GPHN: variants seen among roughly 807,000 people sequenced by gnomAD.
GPHN encodes gephyrin.
GPHN carries 17 observed loss-of-function variants against 95.5 expected under a neutral mutation model. The ratio of observed to expected loss-of-function variants is 0.18; its 90% CI spans 0.12 to 0.27. The LOEUF (loss-of-function observed/expected upper bound fraction) is 0.27. GPHN is among the 10% of genes least tolerant of loss of function. GPHN has a pLI of 1.00. For missense variants in GPHN, 660 were observed against 978.1 expected (o/e 0.67, Z 4.34); for synonymous variants, 320 against 322.5 (o/e 0.99, Z 0.08).
chr14:67,729,424 G>A, the GPHN span: 1 of 1,567,194 alleles, frequency 6.4e-7, no homozygotes, highest in Non-Finnish European at 8.7e-7. Flanking sequence ...TGTGTGCATG[G>A]GAGGTGCCGG....
intron 5 of GPHN, among the ~76,000 whole-genome samples, chr14:66,884,835 TATAAA>T (rs1390634345): frequency 1.3e-5 from 2 of 149,386 alleles, no homozygotes; most frequent in East Asian, 3.9e-4. Context: ...TATATATATA[TATAAA>T]ATAAGAAATA....
the GPHN span, chr14:67,473,660 C>T: frequency 6.3e-7 from 1 of 1,580,304 alleles, no homozygotes; most frequent in Admixed American, 1.9e-5. The surrounding 1 kb of genome is among the most constrained non-coding windows in gnomAD (Gnocchi z 6.5). Flanking sequence ...CGGTGGTGAA[C>T]TCCCACAGGT....
At chr14:67,163,187 T>G (rs2082066210) in intron 19 of GPHN, among the ~76,000 whole-genome samples, 1 of 151,878 alleles carries the variant, frequency 6.6e-6, no homozygotes, top group Non-Finnish European at 1.5e-5. Context: ...ATGCCTGTAG[T>G]CCTACCTACC....
chr14:66,888,592 A>G (rs2064317767), intron 5 of GPHN, among the ~76,000 whole-genome samples: 1 of 152,162 alleles, frequency 6.6e-6, no homozygotes, highest in Non-Finnish European at 1.5e-5. Context: ...CAGGATGTAC[A>G]TTAAAAAAAT....
At chr14:67,362,519 A>C in the GPHN span, among the ~76,000 whole-genome samples, 1 of 152,198 alleles carries the variant, frequency 6.6e-6, no homozygotes, top group Non-Finnish European at 1.5e-5. Context: ...TGTACATGGC[A>C]CAGATGAGAA....
At chr14:67,598,550 G>A in the GPHN span, among the ~76,000 whole-genome samples, 1 of 152,116 alleles carries the variant, frequency 6.6e-6, no homozygotes, top group South Asian at 2.1e-4. Context: ...GCATCTGGCA[G>A]TCAGTGGGCA....
the GPHN span, among the ~76,000 whole-genome samples, chr14:67,408,497 T>TA: frequency 6.6e-6 from 1 of 152,098 alleles, no homozygotes; most frequent in Non-Finnish European, 1.5e-5. Context: ...GTAATCAAGT[T>TA]AAAATGAAGT....
intron 1 of GPHN, among the ~76,000 whole-genome samples, chr14:66,544,876 C>T (rs2059479202): frequency 1.3e-5 from 2 of 151,954 alleles, no homozygotes; most frequent in African/African-American, 2.4e-5. Flanking sequence ...GTGGACACAG[C>T]ACATGTTTCA....
intron 2 of GPHN, among the ~76,000 whole-genome samples, chr14:66,704,789 T>C (rs562613190): frequency 1.1e-4 from 16 of 152,094 alleles, no homozygotes; most frequent in Admixed American, 3.9e-4. Context: ...CGAAAGCTAG[T>C]AGAAGACAAG....
rs142093635 is a variant in GPHN at position 67,092,589 on chromosome 14, G to A, written c.1237+3514G>A. On this transcript the variant is annotated intron_variant, in intron 12 of 22. Transcript: ENST00000478722. ...GGATAAAACTCCAAACCAGTTGGAG[G>A]ATCACTTGCTTTAAGGTATGTGAGT... Among the ~76,000 whole-genome samples the A allele has an allele frequency of 4.1e-3, 629 of 152,162 alleles. 5 individuals are homozygous for A. The highest frequency in any genetic ancestry group is 7.5e-3 in the Non-Finnish European group (508 of 67,964).
intron 10 of GPHN, among the ~76,000 whole-genome samples, chr14:67,032,332 A>G (rs1433594804): frequency 1.3e-5 from 2 of 152,212 alleles, no homozygotes; most frequent in East Asian, 1.9e-4. Context: ...AGCTTGCTGT[A>G]GTACCACAGG....
chr14:67,707,452 GGA>G, the GPHN span, among the ~76,000 whole-genome samples: 5 of 151,936 alleles, frequency 3.3e-5, no homozygotes, highest in Admixed American at 1.3e-4. Flanking sequence ...TTTTTGAGAT[GGA>G]GTCTCACTCT....
At chr14:67,500,446 A>G in the GPHN span, among the ~76,000 whole-genome samples, 4 of 152,264 alleles carry the variant, frequency 2.6e-5, no homozygotes, top group African/African-American at 4.8e-5. Flanking sequence ...TTGCACTCCA[A>G]TCAGGGCAAC....
At chr14:66,520,251 G>A (rs1049592285) in intron 1 of GPHN, among the ~76,000 whole-genome samples, 8 of 152,036 alleles carry the variant, frequency 5.3e-5, no homozygotes, top group Non-Finnish European at 8.8e-5. Flanking sequence ...TTGGGGTCAA[G>A]GGTATATGAA....
chr14:67,647,764 G>A, the GPHN span: 28 of 332,704 alleles, frequency 8.4e-5, no homozygotes, highest in Non-Finnish European at 1.2e-4. Flanking sequence ...TAGTATAAGA[G>A]GTTCTAATAC....
the GPHN span, chr14:67,204,469 A>C: frequency 1.4e-6 from 2 of 1,467,744 alleles, no homozygotes; most frequent in Non-Finnish European, 1.8e-6. Context: ...ATATATATAT[A>C]TAAGAAAGGC....
At chr14:67,402,341 G>A in the GPHN span, among the ~76,000 whole-genome samples, 5 of 152,056 alleles carry the variant, frequency 3.3e-5, no homozygotes, top group Non-Finnish European at 5.9e-5. Context: ...GAGCTATTTT[G>A]ATACAGGCAT....
intron 1 of GPHN, among the ~76,000 whole-genome samples, chr14:66,602,965 A>G (rs2062328193): frequency 6.6e-6 from 1 of 151,874 alleles, no homozygotes; most frequent in African/African-American, 2.4e-5. Flanking sequence ...TCCTCTCCCA[A>G]GAAGAGATTG....
At chr14:67,574,165 G>C in the GPHN span, 1 of 1,347,330 alleles carries the variant, frequency 7.4e-7, no homozygotes, top group Non-Finnish European at 1.0e-6. The surrounding 1 kb of genome is among the most constrained non-coding windows in gnomAD (Gnocchi z 4.2). Context: ...TCAGGGACAG[G>C]TGCCACCTCG....
Sources: allele counts gnomAD v4.1 joint callset (sites outside exome capture counted in the v4.1 genomes callset), GRCh38; gene constraint gnomAD v4.1.1; non-coding constraint Gnocchi (gnomAD v3.1); transcripts MANE v1.5; gene names NCBI Gene and HGNC (gene_info 2026-07-23, HGNC 2026-07-21).